Variants in JARID2 observed in about 807,000 individuals in gnomAD.
JARID2 encodes jumonji and AT-rich interaction domain containing 2, also known as protein Jumonji.
In JARID2, 21 loss-of-function variants were observed where a neutral mutation model predicts 125.6. That is an observed-to-expected ratio of 0.17 (90% confidence interval 0.12 to 0.24). The LOEUF is 0.24. Ranked by LOEUF, JARID2 falls within the 10% of genes least tolerant of loss-of-function variation. JARID2 has a pLI of 1.00. For missense variants in JARID2, 1,303 were observed against 1,639.6 expected, an observed-to-expected ratio of 0.79 and a Z score of 3.55; for synonymous variants, 736 against 661.6, an observed-to-expected ratio of 1.11 and a Z score of -1.73.
Position 15,364,120 on chromosome 6 carries a change from G to C in JARID2, c.46-9997G>C, listed in dbSNP as rs113138434. ...TATTTCCTTGCTGGGGTTCGGGTGG[G>C]GTAGTTATTGTTCAACCAAAAAAGC... On this transcript the variant is annotated intron_variant, in intron 1 of 17. Coordinates refer to ENST00000341776, the MANE Select transcript of JARID2 (RefSeq NM_004973.4). Among the ~76,000 whole-genome samples the C allele has an allele frequency of 4.9e-3, 738 of 152,146 alleles. 7 individuals carry two copies. The highest frequency in any genetic ancestry group is 0.016 in the African/African-American group (681 of 41,486).
At chr6:15,501,995 C>T (rs1023368974) in intron 8 of JARID2, among the ~76,000 whole-genome samples, 10 of 152,208 alleles carry the variant, frequency 6.6e-5, no homozygotes, top group African/African-American at 2.2e-4. Context: ...TCTATCCGCT[C>T]ACCTCACTGC....
chr6:15,467,210 T>C (rs1405242609), intron 4 of JARID2, among the ~76,000 whole-genome samples: 1 of 152,220 alleles, frequency 6.6e-6, no homozygotes, highest in African/African-American at 2.4e-5. Context: ...CATTTCCTTG[T>C]CACTGAGCAT....
intron 12 of JARID2, chr6:15,508,930 T>C: frequency 7.8e-7 from 1 of 1,285,266 alleles, no homozygotes; most frequent in South Asian, 1.2e-5. Flanking sequence ...TAACTGAATA[T>C]AAACCGTGGT....
intron 6 of JARID2, 122 bp from the exon 7 acceptor site, chr6:15,496,010 T>A: frequency 1.3e-6 from 1 of 774,538 alleles, no homozygotes; most frequent in Non-Finnish European, 2.1e-6. Flanking sequence ...CTTATCACAC[T>A]ACAGGCTGCT....
chr6:15,285,213 C>A (rs1247994673), intron 1 of JARID2, among the ~76,000 whole-genome samples: 2 of 148,208 alleles, frequency 1.3e-5, no homozygotes, highest in African/African-American at 5.0e-5. Flanking sequence ...GGGGTTCAAG[C>A]GATTCTCTTG....
rs1467204791 is a variant in JARID2, at chr6:15,452,009, C to T, written c.327C>T (p.Pro109=). 6.2e-7 allele frequency: 1 copy of T among 1,613,168 alleles called. No homozygotes were observed. Among genetic ancestry groups the T allele is most frequent in the Non-Finnish European group, 8.5e-7 (1 of 1,179,720 alleles). The change falls in exon 4 of 18, where the codon CCC becomes CCT. Residue 109 remains proline (P), a synonymous_variant. Coordinates refer to ENST00000341776, the MANE Select transcript of JARID2 (RefSeq NM_004973.4). ...TAATTTTCTTTTGCTTTTGCAGGCC[C>T]AGGCTGCAAGCACAAAGGAAGTTTG... ...DFEEGPSRKR[P]RLQAQRKFAQ...
intron 2 of JARID2, among the ~76,000 whole-genome samples, chr6:15,406,463 T>G (rs561824326): frequency 2.0e-5 from 3 of 152,258 alleles, no homozygotes; most frequent in Non-Finnish European, 2.9e-5. Flanking sequence ...CCTATGGCCC[T>G]TTAATTTGTA....
At chr6:15,466,123 T>C (rs1768721632) in intron 4 of JARID2, among the ~76,000 whole-genome samples, 1 of 152,186 alleles carries the variant, frequency 6.6e-6, no homozygotes, top group South Asian at 2.1e-4. Flanking sequence ...TATTTTTATA[T>C]TGCTCTCACA....
intron 1 of JARID2, among the ~76,000 whole-genome samples, chr6:15,295,342 TG>T (rs1761374467): frequency 6.6e-6 from 1 of 152,004 alleles, no homozygotes; most frequent in Non-Finnish European, 1.5e-5. Context: ...AGGATGGTCT[TG>T]ATCTCCTGAC....
At chr6:15,264,707 T>C (rs571273265) in intron 1 of JARID2, among the ~76,000 whole-genome samples, 110 of 152,192 alleles carry the variant, frequency 7.2e-4, no homozygotes, top group African/African-American at 2.5e-3. Context: ...AACTTTGCAT[T>C]GTTTAACTGG....
intron 2 of JARID2, among the ~76,000 whole-genome samples, chr6:15,374,578 A>G (rs1764283235): frequency 6.6e-6 from 1 of 152,144 alleles, no homozygotes; most frequent in Admixed American, 6.5e-5. Flanking sequence ...TGGAGTCTTT[A>G]GTTCTTGTCC....
At chr6:15,341,890 C>T (rs552411027) in intron 1 of JARID2, among the ~76,000 whole-genome samples, 1 of 152,204 alleles carries the variant, frequency 6.6e-6, no homozygotes, top group South Asian at 2.1e-4. Context: ...AATATTCTTT[C>T]ATTATTTCAA....
intron 2 of JARID2, among the ~76,000 whole-genome samples, chr6:15,375,835 T>C (rs1386430568): frequency 6.6e-6 from 1 of 152,240 alleles, no homozygotes. Context: ...CTCACTGTAC[T>C]GTTCAGGAAT....
At chr6:15,313,454 C>T (rs1352226066) in intron 1 of JARID2, among the ~76,000 whole-genome samples, 1 of 152,166 alleles carries the variant, frequency 6.6e-6, no homozygotes, top group South Asian at 2.1e-4. Flanking sequence ...CAGGGTCTTG[C>T]ATTTGTGCCT....
intron 3 of JARID2, among the ~76,000 whole-genome samples, chr6:15,423,542 A>T (rs1434838684): frequency 6.6e-6 from 1 of 152,092 alleles, no homozygotes; most frequent in African/African-American, 2.4e-5. Flanking sequence ...CTGGTATTTT[A>T]AGTTCACTTT....
intron 1 of JARID2, among the ~76,000 whole-genome samples, chr6:15,262,001 C>G (rs1759899781): frequency 6.6e-6 from 1 of 151,718 alleles, no homozygotes; most frequent in South Asian, 2.1e-4. Flanking sequence ...AGGCTGGTTT[C>G]AAACTCCTGA....
rs766336142 is a variant in JARID2 at position 15,499,135 on chromosome 6, CA to C, written c.1946-1771del. Among the ~76,000 whole-genome samples the C allele has an allele frequency of 3.4e-4, 52 of 152,280 alleles. 1 individual carries two copies. Among genetic ancestry groups the C allele is most frequent in the Admixed American group, 5.9e-4 (9 of 15,302 alleles). On this transcript the variant is annotated intron_variant, in intron 7 of 17. Coordinates refer to ENST00000341776, the MANE Select transcript of JARID2 (RefSeq NM_004973.4). ...GTCTAAGGCGTCTGACATTCTGTCC[CA>C]GGGGTACTGACCTGTCTGTGACCCA...
At chr6:15,398,738 A>C (rs1362759738) in intron 2 of JARID2, among the ~76,000 whole-genome samples, 1 of 152,224 alleles carries the variant, frequency 6.6e-6, no homozygotes, top group Admixed American at 6.5e-5. Context: ...AATAGGAGGA[A>C]GCAGTGGAGA....
intron 5 of JARID2, among the ~76,000 whole-genome samples, chr6:15,481,317 G>T (rs1296106356): frequency 3.3e-5 from 5 of 152,184 alleles, no homozygotes; most frequent in Admixed American, 2.0e-4. Flanking sequence ...TCACAGTGAT[G>T]AATGCTTTTT....
Sources: allele counts gnomAD v4.1 joint callset (sites outside exome capture counted in the v4.1 genomes callset), GRCh38; gene constraint gnomAD v4.1.1; transcripts MANE v1.5; gene names NCBI Gene and HGNC (gene_info 2026-07-23, HGNC 2026-07-21).